Variants in MYBPC1 observed in about 807,000 individuals in gnomAD.
MYBPC1 encodes myosin-binding protein C, slow-type.
Under a neutral mutation model 147.1 loss-of-function variants are expected in MYBPC1, and 52 were observed. The observed-to-expected ratio is 0.35, with a 90% confidence interval of 0.28 to 0.45. The LOEUF is 0.45. Ranked by LOEUF, MYBPC1 falls within the 20% of genes least tolerant of loss-of-function variation. MYBPC1 has a pLI of 1.00. For missense variants in MYBPC1, 1,228 were observed against 1,440.3 expected, an observed-to-expected ratio of 0.85 and a Z score of 2.39; for synonymous variants, 477 against 475.9, an observed-to-expected ratio of 1.00 and a Z score of -0.03.
chr12:101,619,831 G>A (rs1377284768), intron 3 of MYBPC1, among the ~76,000 whole-genome samples: 5 of 151,974 alleles, frequency 3.3e-5, no homozygotes, highest in East Asian at 1.9e-4. Flanking sequence ...ATTATTCATC[G>A]CAATCCAGCC....
At chr12:101,694,540 T>G in the MYBPC1 span, among the ~76,000 whole-genome samples, 1 of 152,164 alleles carries the variant, frequency 6.6e-6, no homozygotes, top group Non-Finnish European at 1.5e-5. Context: ...AAGGACTTTA[T>G]AAGGAGACAC....
At chr12:101,619,588 T>C (rs897643817) in intron 3 of MYBPC1, among the ~76,000 whole-genome samples, 6 of 152,204 alleles carry the variant, frequency 3.9e-5, no homozygotes, top group Admixed American at 3.3e-4. Flanking sequence ...CCATTCAACA[T>C]GTGTGCTGGG....
At chr12:101,608,559 G>T (rs550163502) in intron 1 of MYBPC1, among the ~76,000 whole-genome samples, 1 of 152,214 alleles carries the variant, frequency 6.6e-6, no homozygotes, top group East Asian at 1.9e-4. Context: ...TTATGATTTA[G>T]AGAGCTTGCC....
chr12:101,663,233 A>AT (rs1248940223), intron 21 of MYBPC1, among the ~76,000 whole-genome samples, 193 bp from the exon 22 acceptor site: 1 of 152,184 alleles, frequency 6.6e-6, no homozygotes, highest in Non-Finnish European at 1.5e-5. Context: ...CCATGACAGC[A>AT]TTTCCAAAAT....
intron 12 of MYBPC1, among the ~76,000 whole-genome samples, chr12:101,645,212 G>GTGAA (rs1892831348): frequency 1.3e-5 from 2 of 152,224 alleles, no homozygotes; most frequent in South Asian, 4.1e-4. Context: ...TTCATAATGG[G>GTGAA]TGAATACCTT....
intron 1 of MYBPC1, among the ~76,000 whole-genome samples, chr12:101,608,407 A>C (rs576305511): frequency 7.2e-4 from 109 of 152,324 alleles, no homozygotes; most frequent in African/African-American, 2.5e-3. Context: ...TAAAAAAGAT[A>C]TTGTGTGAGA....
chr12:101,601,227 C>T (rs981121039), intron 1 of MYBPC1, among the ~76,000 whole-genome samples: 30 of 152,212 alleles, frequency 2.0e-4, no homozygotes, highest in Non-Finnish European at 2.9e-5. Flanking sequence ...AAGAAGAGGG[C>T]TTCTGTCCTT....
chr12:101,659,631 A>C (rs766739911), intron 18 of MYBPC1, 41 bp from the exon 19 acceptor site: 11 of 1,610,828 alleles, frequency 6.8e-6, no homozygotes, highest in Non-Finnish European at 7.6e-6. Flanking sequence ...AGCCCTGTTT[A>C]TTGTGTAAAT....
the MYBPC1 span, among the ~76,000 whole-genome samples, chr12:101,694,535 C>T: frequency 6.6e-6 from 1 of 152,144 alleles, no homozygotes; most frequent in Non-Finnish European, 1.5e-5. Flanking sequence ...TTTATAAGGA[C>T]TTTATAAGGA....
intron 3 of MYBPC1, among the ~76,000 whole-genome samples, chr12:101,619,937 T>C (rs1204328366): frequency 2.6e-5 from 4 of 152,226 alleles, no homozygotes; most frequent in African/African-American, 9.6e-5. Flanking sequence ...TTCTAGAAGA[T>C]TTAATCTTAG....
chr12:101,614,374 C>A, intron 1 of MYBPC1, 122 bp from the exon 2 acceptor site: 3 of 964,122 alleles, frequency 3.1e-6, no homozygotes, highest in Non-Finnish European at 4.9e-6. Flanking sequence ...CCTCCTCCAT[C>A]CCTCTTGTGA....
chr12:101,681,572 ATATATATATATATATATATATTTTTTTT>A (rs1352276882), intron 29 of MYBPC1, among the ~76,000 whole-genome samples: 10 of 18,662 alleles, frequency 5.4e-4, no homozygotes, highest in Admixed American at 1.6e-3. Context: ...ATATATATAT[ATATATATATATATATATATATTTTTTTT>A]TTTTTTTTTT....
chr12:101,644,598 G>A, intron 11 of MYBPC1, 66 bp from the exon 12 acceptor site: 2 of 1,435,708 alleles, frequency 1.4e-6, no homozygotes, highest in East Asian at 2.3e-5. Flanking sequence ...TACATGTATT[G>A]ACTATTTAAA....
chr12:101,689,325 G>A (rs567470034), downstream of MYBPC1, among the ~76,000 whole-genome samples: 2 of 150,296 alleles, frequency 1.3e-5, no homozygotes, highest in African/African-American at 4.9e-5. Flanking sequence ...AAGGCCTCTG[G>A]TCTTCAATCT....
chr12:101,596,965 A>T (rs1002118847), intron 1 of MYBPC1, among the ~76,000 whole-genome samples: 61 of 152,246 alleles, frequency 4.0e-4, no homozygotes, highest in Admixed American at 3.9e-3. Context: ...AGTTACTGAT[A>T]TATTTAAAAT....
intron 18 of MYBPC1, among the ~76,000 whole-genome samples, chr12:101,656,200 T>G (rs1895509962): frequency 6.6e-6 from 1 of 151,962 alleles, no homozygotes; most frequent in Non-Finnish European, 1.5e-5. Context: ...AAAATTAATA[T>G]GCTAATAAAG....
intron 1 of MYBPC1, among the ~76,000 whole-genome samples, chr12:101,606,047 T>A (rs1882013753): frequency 6.6e-6 from 1 of 150,630 alleles, no homozygotes; most frequent in Non-Finnish European, 1.5e-5. Flanking sequence ...ATACAAAAAT[T>A]AGTCAGGCAT....
chr12:101,666,723 T>A, intron 22 of MYBPC1: 1 of 1,609,074 alleles, frequency 6.2e-7, no homozygotes, highest in Non-Finnish European at 8.5e-7. Flanking sequence ...TTTAATTAAT[T>A]TTAATGACGG....
intron 12 of MYBPC1, among the ~76,000 whole-genome samples, chr12:101,645,692 A>G (rs12318736): frequency 1.3e-5 from 2 of 152,256 alleles, no homozygotes; most frequent in African/African-American, 4.8e-5. Context: ...AAATATTTTT[A>G]AATATCTTGT....
Sources: gnomAD v4.1 joint callset for allele counts (sites outside exome capture counted in the v4.1 genomes callset) on GRCh38, gnomAD v4.1.1 for gene constraint, MANE v1.5 for transcripts, NCBI Gene and HGNC (gene_info 2026-07-23, HGNC 2026-07-21) for gene names.